FUT9: variants seen among roughly 807,000 people sequenced by gnomAD.
The protein encoded by FUT9 is fucosyltransferase 9, also known as 4-galactosyl-N-acetylglucosaminide 3-alpha-L-fucosyltransferase 9.
FUT9 carries 15 observed loss-of-function variants against 29.7 expected under a neutral mutation model. That is an observed-to-expected ratio of 0.51 (90% CI 0.34 to 0.78). The LOEUF (loss-of-function observed/expected upper bound fraction) is 0.78. Among genes scored for constraint, FUT9 ranks in the 30% least tolerant of loss-of-function variants. FUT9 has a pLI of 0.01. For missense variants in FUT9, 319 were observed against 425.4 expected, an observed-to-expected ratio of 0.75 and a Z score of 2.20; for synonymous variants, 169 against 153.7, an observed-to-expected ratio of 1.10 and a Z score of -0.74.
chr6:96,063,693 G>T (rs1770914640), intron 1 of FUT9, among the ~76,000 whole-genome samples: 1 of 152,114 alleles, frequency 6.6e-6, no homozygotes, highest in African/African-American at 2.4e-5. Flanking sequence ...ATGAAGCATT[G>T]CAGGGTCATG....
intron 2 of FUT9, among the ~76,000 whole-genome samples, chr6:96,135,455 G>C (rs907379217): frequency 2.6e-5 from 4 of 151,934 alleles, no homozygotes; most frequent in Non-Finnish European, 5.9e-5. Flanking sequence ...TTGCACCTTA[G>C]TGCCAATACT....
At chr6:96,129,524 T>C (rs1772203096) in intron 2 of FUT9, among the ~76,000 whole-genome samples, 1 of 151,898 alleles carries the variant, frequency 6.6e-6, no homozygotes, top group Non-Finnish European at 1.5e-5. Flanking sequence ...CAGAATAAAA[T>C]AAACAGAAGA....
In FUT9 at chr6:96,203,747, C is replaced by G. The variant is rs1408477180; in HGVS notation, c.592C>G (p.Pro198Ala). 1 of 1,613,840 alleles carries G rather than the reference C, an allele frequency of 6.2e-7. No homozygotes were observed. The highest frequency in any genetic ancestry group is 1.3e-5 in the African/African-American group (1 of 74,860). The part of the protein sequence containing the change: ...LVCWVVSNWN[P>A]EHARVKYYNE... The stretch of plus-strand genomic sequence containing the variant: ...GTGCTGGGTTGTGAGTAACTGGAAC[C>G]CTGAGCATGCCAGAGTCAAGTATTA... The change falls in exon 3 of 3, where the codon CCT becomes GCT. Residue 198 changes from proline (P) to alanine (A), a missense_variant. Physicochemically the swap from Pro to Ala is conservative, Grantham distance 27 (BLOSUM62 -1). Transcript: ENST00000302103.
intron 2 of FUT9, among the ~76,000 whole-genome samples, chr6:96,187,095 G>C (rs5009880): frequency 0.91 from 138,404 of 151,792 alleles, 64,461 homozygotes; most frequent in Non-Finnish European, 1. Context: ...TACCAGCCAA[G>C]CCTAATGTTA....
intron 2 of FUT9, among the ~76,000 whole-genome samples, chr6:96,184,733 T>C (rs1582292753): frequency 6.6e-6 from 1 of 152,106 alleles, no homozygotes; most frequent in Non-Finnish European, 1.5e-5. Flanking sequence ...AAGAGCAGGT[T>C]ATTTAATTTC....
At chr6:96,201,154 T>C (rs1773720117) in intron 2 of FUT9, among the ~76,000 whole-genome samples, 1 of 152,012 alleles carries the variant, frequency 6.6e-6, no homozygotes, top group South Asian at 2.1e-4. Flanking sequence ...ACCTAGTATT[T>C]GCCTTTAGTT....
intron 2 of FUT9, among the ~76,000 whole-genome samples, chr6:96,166,796 A>G (rs1192248547): frequency 6.6e-6 from 1 of 152,120 alleles, no homozygotes; most frequent in Non-Finnish European, 1.5e-5. Context: ...CATTGTATAC[A>G]TTGTACTATT....
At chr6:96,116,083 A>G (rs1438771717) in intron 2 of FUT9, among the ~76,000 whole-genome samples, 1 of 152,206 alleles carries the variant, frequency 6.6e-6, no homozygotes, top group East Asian at 1.9e-4. Context: ...AATATATAAA[A>G]AACTCTTAAA....
intron 2 of FUT9, among the ~76,000 whole-genome samples, chr6:96,155,439 G>A (rs1251277257): frequency 6.6e-6 from 1 of 151,986 alleles, no homozygotes; most frequent in Non-Finnish European, 1.5e-5. Flanking sequence ...AATGACTGAT[G>A]TCCCTATAAG....
intron 2 of FUT9, among the ~76,000 whole-genome samples, chr6:96,149,299 G>A (rs1392704681): frequency 6.6e-6 from 1 of 151,280 alleles, no homozygotes; most frequent in Non-Finnish European, 1.5e-5. Flanking sequence ...TGAAGAACAT[G>A]ATTACTAATT....
At chr6:96,053,056 A>G (rs2127939396) in intron 1 of FUT9, among the ~76,000 whole-genome samples, 1 of 152,236 alleles carries the variant, frequency 6.6e-6, no homozygotes, top group South Asian at 2.1e-4. Context: ...TAATTTTAAA[A>G]TTATTTTTAA....
At chr6:96,072,489 T>A (rs933453152) in intron 1 of FUT9, among the ~76,000 whole-genome samples, 2 of 152,174 alleles carry the variant, frequency 1.3e-5, no homozygotes, top group African/African-American at 4.8e-5. Context: ...CTTGTCGGAA[T>A]CTTTAAAAAC....
At position 96,204,207 on chromosome 6, in the gene FUT9, G is replaced by C. The variant is rs756657667; in HGVS notation, c.1052G>C (p.Gly351Ala). 1 of 1,436,860 alleles carries C rather than the reference G, an allele frequency of 7.0e-7. No homozygotes were observed. The highest frequency in any genetic ancestry group is 9.2e-7 in the Non-Finnish European group (1 of 1,091,152). 89.0% of individuals were successfully genotyped at this position (1,436,860 alleles called of 1,614,324 possible). The change falls in exon 3 of 3, where the codon GGT becomes GCT. Residue 351 changes from glycine to alanine, a missense_variant. Coordinates refer to ENST00000302103, the MANE Select transcript of FUT9 (RefSeq NM_006581.4). ...AGGCATCAAGAATATAAGTCTGTTG[G>C]TAATTTAGAGAAATGGTTTTGGAAT... ...VKRHQEYKSVGNLEKWFWN is the reference protein window; with the variant it reads ...VKRHQEYKSVANLEKWFWN
intron 2 of FUT9, among the ~76,000 whole-genome samples, chr6:96,136,725 T>G (rs910189772): frequency 5.9e-5 from 9 of 151,904 alleles, no homozygotes; most frequent in Non-Finnish European, 1.3e-4. Flanking sequence ...TCCAAAGAAA[T>G]GTAGTCATAA....
At chr6:96,189,623 G>T (rs4288214) in intron 2 of FUT9, among the ~76,000 whole-genome samples, 138,489 of 151,808 alleles carry the variant, frequency 0.91, 64,516 homozygotes, top group Non-Finnish European at 1. Context: ...AGGATAGTTA[G>T]CTCTTCTTGT....
intron 1 of FUT9, among the ~76,000 whole-genome samples, chr6:96,102,336 T>A (rs1418334523): frequency 1.3e-5 from 2 of 149,430 alleles, no homozygotes; most frequent in Non-Finnish European, 3.0e-5. Context: ...TACCTGAGTT[T>A]AAAAAAAAAA....
intron 1 of FUT9, among the ~76,000 whole-genome samples, chr6:96,035,215 G>A (rs1357889352): frequency 1.3e-5 from 2 of 150,860 alleles, no homozygotes; most frequent in African/African-American, 2.4e-5. Context: ...GAGGAAATGA[G>A]GAAAAAAGAG....
At chr6:96,031,613 C>T (rs2127926727) in intron 1 of FUT9, among the ~76,000 whole-genome samples, 1 of 151,538 alleles carries the variant, frequency 6.6e-6, no homozygotes, top group South Asian at 2.1e-4. Flanking sequence ...TTCAATAGAG[C>T]AACAGAATAT....
At chr6:96,191,306 A>G (rs1055799921) in intron 2 of FUT9, among the ~76,000 whole-genome samples, 1 of 152,174 alleles carries the variant, frequency 6.6e-6, no homozygotes, top group Non-Finnish European at 1.5e-5. Flanking sequence ...TTTTTTTGAA[A>G]AGATCAACAA....
Sources: gnomAD v4.1 joint callset for allele counts (sites outside exome capture counted in the v4.1 genomes callset) on GRCh38, gnomAD v4.1.1 for gene constraint, MANE v1.5 for transcripts, NCBI Gene and HGNC (gene_info 2026-07-23, HGNC 2026-07-21) for gene names.